Variants in ANK2 observed in about 807,000 individuals in gnomAD.
The protein encoded by ANK2 is ankyrin-2.
A neutral mutation model predicts 360.5 loss-of-function variants in ANK2; 83 were observed. The observed-to-expected ratio is 0.23, with a 90% CI of 0.19 to 0.28. ANK2 has a LOEUF of 0.28. Among genes scored for constraint, ANK2 ranks in the 10% least tolerant of loss-of-function variants. The pLI, the probability that ANK2 is intolerant of heterozygous loss-of-function variation, is 1.00. For synonymous variants in ANK2, 1,740 were observed against 1,759.5 expected (o/e 0.99, Z 0.28); for missense variants, 4,201 against 4,795.7 (o/e 0.88, Z 3.66).
rs374235492 is a variant in ANK2, at chr4:112,931,583, T to C, written c.21+27069T>C. On this transcript the variant is annotated intron_variant, in intron 2 of 30. Coordinates refer to the ANK2 transcript ENST00000503271. ...TCCCGAGTAGCTGGAATTCCAGCCA[T>C]GTGCCACCATGCCTGGCTAATGTTT... Among the ~76,000 whole-genome samples the C allele has an allele frequency of 1.7e-3, 254 of 151,994 alleles. 1 individual carries two copies. Among genetic ancestry groups the C allele is most frequent in the African/African-American group, 5.7e-3 (236 of 41,472 alleles).
chr4:113,198,839 A>AT (rs899046929), intron 3 of ANK2, among the ~76,000 whole-genome samples, 172 bp from the exon 4 acceptor site: 273 of 148,114 alleles, frequency 1.8e-3, no homozygotes, highest in Admixed American at 4.0e-3. Context: ...GAGGTGGCCA[A>AT]TTTTTTTTTT....
intron 2 of ANK2, among the ~76,000 whole-genome samples, chr4:113,182,968 G>A (rs530586805): frequency 2.0e-5 from 3 of 152,264 alleles, no homozygotes; most frequent in South Asian, 2.1e-4. Flanking sequence ...ATTTGAGAGA[G>A]AGATGGGAGA....
At chr4:112,716,535 T>C in the ANK2 span, among the ~76,000 whole-genome samples, 1 of 152,206 alleles carries the variant, frequency 6.6e-6, no homozygotes, top group South Asian at 2.1e-4. Context: ...AGCCTTCTGG[T>C]TAACTAAATG....
At chr4:113,097,079 A>G (rs76547067) in intron 1 of ANK2, among the ~76,000 whole-genome samples, 1 of 66,456 alleles carries the variant, frequency 1.5e-5, no homozygotes, top group African/African-American at 7.4e-5. Context: ...TGTCATTTAC[A>G]GAGTTGTCCA....
At chr4:113,011,968 G>A (rs1311502511) in intron 2 of ANK2, among the ~76,000 whole-genome samples, 1 of 152,012 alleles carries the variant, frequency 6.6e-6, no homozygotes, top group Non-Finnish European at 1.5e-5. Flanking sequence ...TAGCTGAGTT[G>A]AGGGTTATTA....
At chr4:113,288,022 G>A (rs559264960) in intron 19 of ANK2, among the ~76,000 whole-genome samples, 1 of 152,188 alleles carries the variant, frequency 6.6e-6, no homozygotes, top group African/African-American at 2.4e-5. Flanking sequence ...TCATCTCCAT[G>A]CCCTTGGTCT....
At chr4:113,066,242 A>G (rs796455337) in intron 1 of ANK2, among the ~76,000 whole-genome samples, 13 of 152,142 alleles carry the variant, frequency 8.5e-5, no homozygotes, top group African/African-American at 3.1e-4. Context: ...TAGGCCTCTT[A>G]CAGTTTTTGC....
upstream of ANK2, among the ~76,000 whole-genome samples, chr4:112,817,433 T>C (rs553356807): frequency 1.7e-3 from 253 of 152,318 alleles, 8 homozygotes; most frequent in South Asian, 0.051. Flanking sequence ...TGGTTCTGAC[T>C]TCCTGTCTGC....
chr4:112,906,195 T>C (rs1580910670), intron 2 of ANK2, among the ~76,000 whole-genome samples: 2 of 151,992 alleles, frequency 1.3e-5, no homozygotes, highest in East Asian at 1.9e-4. Context: ...AATGATTTGG[T>C]AGGGAGTGTC....
chr4:112,915,744 G>A (rs1017950526), intron 2 of ANK2, among the ~76,000 whole-genome samples: 47 of 148,032 alleles, frequency 3.2e-4, no homozygotes, highest in African/African-American at 1.2e-3. Flanking sequence ...AACAGAGTGA[G>A]ACTCTGTTTC....
chr4:113,342,665 A>C lies in ANK2; in HGVS notation c.4123-352A>C, dbSNP rs1357808981. Among the ~76,000 whole-genome samples the C allele has an allele frequency of 2.0e-5, 3 of 151,532 alleles. No individual in the cohort carries two copies. The East Asian group carries it at 5.8e-4, about 29-fold the overall frequency. The stretch of plus-strand genomic sequence containing the variant: ...CAGTGAGCCAAGATCGCACCACTGC[A>C]CTCCAGCCTGGGCAACAGAGTGAGA... On this transcript the variant is annotated intron_variant, in intron 33 of 45. Coordinates refer to ENST00000357077, the MANE Select transcript of ANK2 (RefSeq NM_001148.6).
the ANK2 span, among the ~76,000 whole-genome samples, chr4:112,725,920 A>C: frequency 6.6e-6 from 1 of 152,172 alleles, no homozygotes; most frequent in African/African-American, 2.4e-5. Flanking sequence ...TAAAAATATA[A>C]ATAAATAATA....
chr4:112,829,782 C>T (rs2059299022), intron 1 of ANK2, among the ~76,000 whole-genome samples: 1 of 151,770 alleles, frequency 6.6e-6, no homozygotes, highest in Admixed American at 6.6e-5. Context: ...GGTGAAACCC[C>T]GTCTGTACTA....
chr4:112,958,214 A>G (rs1372781473), intron 2 of ANK2, among the ~76,000 whole-genome samples: 1 of 151,906 alleles, frequency 6.6e-6, no homozygotes, highest in East Asian at 1.9e-4. Context: ...AGAGGCTGCA[A>G]TCTCGGCACT....
In ANK2 at chr4:113,278,780, G is replaced by A. The variant is rs544370187; in HGVS notation, c.1881+222G>A. Among the ~76,000 whole-genome samples, 107 of 152,172 alleles carry A rather than the reference G, an allele frequency of 7.0e-4. 4 individuals are homozygous for A. Among genetic ancestry groups the A allele is most frequent in the Non-Finnish European group, 1.2e-4 (8 of 68,030 alleles). ...GAGTCAGCAAATATTAAGGGGATGT[G>A]CCTATAAACCAGTAGAGATGAATCT... On this transcript the variant is annotated intron_variant, in intron 17 of 45. Coordinates refer to ENST00000357077, the MANE Select transcript of ANK2 (RefSeq NM_001148.6).
chr4:113,132,513 A>C (rs532815948), intron 1 of ANK2, among the ~76,000 whole-genome samples: 8 of 152,258 alleles, frequency 5.3e-5, no homozygotes, highest in African/African-American at 1.9e-4. Flanking sequence ...AAGGTATAGA[A>C]TCATTCCACA....
intron 23 of ANK2, among the ~76,000 whole-genome samples, chr4:113,304,069 A>C (rs962662513): frequency 6.6e-6 from 1 of 152,202 alleles, no homozygotes; most frequent in Non-Finnish European, 1.5e-5. Flanking sequence ...TTTTGAGTAA[A>C]TTCAAAGGTA....
chr4:113,033,599 G>A (rs1053613878), intron 2 of ANK2, among the ~76,000 whole-genome samples: 5 of 151,990 alleles, frequency 3.3e-5, no homozygotes, highest in African/African-American at 1.2e-4. Context: ...AAAAAAGTGT[G>A]TGTGTGCGTG....
At chr4:113,186,579 TC>T (rs1240631400) in intron 2 of ANK2, among the ~76,000 whole-genome samples, 18 of 60,922 alleles carry the variant, frequency 3.0e-4, no homozygotes, top group South Asian at 1.5e-3. Context: ...TCTCTCTCTC[TC>T]TCTCTCTTCT....
Sources: allele counts gnomAD v4.1 joint callset (sites outside exome capture counted in the v4.1 genomes callset), GRCh38; gene constraint gnomAD v4.1.1; transcripts MANE v1.5; gene names NCBI Gene and HGNC (gene_info 2026-07-23, HGNC 2026-07-21).